HIP1: variants seen among roughly 807,000 people sequenced by gnomAD.
HIP1 encodes the protein huntingtin interacting protein 1, also known as huntingtin-interacting protein 1.
In HIP1, 65 loss-of-function variants were observed where a neutral mutation model predicts 147.6. The observed-to-expected ratio is 0.44, with a 90% CI of 0.36 to 0.54. The LOEUF (loss-of-function observed/expected upper bound fraction) is 0.54, where lower values mean the gene tolerates loss of function less well. Ranked by LOEUF, HIP1 falls within the 20% of genes least tolerant of loss-of-function variation. The probability of loss-of-function intolerance (pLI) is 0.00; values close to 1 mark genes in which losing one functional copy is unlikely to be tolerated. For synonymous variants in HIP1, 479 were observed against 504.0 expected (o/e 0.95, Z 0.67); for missense variants, 1,061 against 1,299.6 (o/e 0.82, Z 2.82).
At chr7:75,611,787 C>A in intron 1 of HIP1, 1 of 1,037,242 alleles carries the variant, frequency 9.6e-7, no homozygotes, top group South Asian at 4.6e-5. Flanking sequence ...GCATTGTCCA[C>A]CACTTCCTGA....
chr7:75,556,640 C>T lies in HIP1; in HGVS notation c.1683+70G>A, dbSNP rs587685723. On this transcript the variant is annotated intron_variant, in intron 17 of 30. Coordinates refer to ENST00000336926, the MANE Select transcript of HIP1 (RefSeq NM_005338.7). ...GGTGGAGGCTGCAGTGAGCTGCGAT[C>T]GCACCACTGCATTCCAACCTGAGTG... is the stretch of plus-strand genomic sequence containing the variant. 3.8e-5 allele frequency: 38 copies of T among 987,604 alleles called. 2 individuals are homozygous for T. Among genetic ancestry groups the T allele is most frequent in the South Asian group, 3.7e-4 (28 of 76,586 alleles). 61.2% of individuals were successfully genotyped at this position (987,604 alleles called of 1,614,324 possible).
intron 27 of HIP1, among the ~76,000 whole-genome samples, chr7:75,544,392 ATCTAACCTAGCCAAGTACTC>A (rs71098035): frequency 0.56 from 85,234 of 150,894 alleles, 24,277 homozygotes; most frequent in African/African-American, 0.64. Flanking sequence ...ACCAAGTACC[ATCTAACCTAGCCAAGTACTC>A]TCTAACCTAG....
chr7:75,682,352 G>T (rs1244600395), intron 1 of HIP1, among the ~76,000 whole-genome samples: 2 of 151,746 alleles, frequency 1.3e-5, no homozygotes, highest in African/African-American at 4.8e-5. Flanking sequence ...GAACTCCTGG[G>T]CTCAAGCGAT....
At chr7:75,680,695 C>T (rs1016306689) in intron 1 of HIP1, among the ~76,000 whole-genome samples, 8 of 151,856 alleles carry the variant, frequency 5.3e-5, no homozygotes, top group African/African-American at 9.7e-5. Flanking sequence ...CTGCAACCTC[C>T]GCCTCCCGGG....
At chr7:75,581,709 G>A (rs1796056048) in intron 6 of HIP1, among the ~76,000 whole-genome samples, 1 of 152,170 alleles carries the variant, frequency 6.6e-6, no homozygotes, top group Non-Finnish European at 1.5e-5. Flanking sequence ...AACCTGGGAG[G>A]TGGAGGCTGC....
intron 1 of HIP1, among the ~76,000 whole-genome samples, chr7:75,639,509 C>T (rs767310820): frequency 6.6e-6 from 1 of 150,986 alleles, no homozygotes; most frequent in Non-Finnish European, 1.5e-5. Context: ...CCAGAGTTCC[C>T]GGTGGCGGGG....
At chr7:75,704,700 A>C (rs1800938189) in intron 1 of HIP1, among the ~76,000 whole-genome samples, 1 of 152,086 alleles carries the variant, frequency 6.6e-6, no homozygotes, top group African/African-American at 2.4e-5. Flanking sequence ...CTCCCGTCTC[A>C]GTAGCTGGAA....
rs1794154388 is a variant in HIP1 at position 75,538,090 on chromosome 7, G to C, written c.*82C>G. ...GTGTGGCTGCCCCTGGGACTCCAAG[G>C]ATTTGGCCTGTGGCTGGGGAAATAA... On this transcript the variant is annotated 3_prime_UTR_variant, in exon 31 of 31. Coordinates refer to ENST00000336926, the MANE Select transcript of HIP1 (RefSeq NM_005338.7). The C allele has an allele frequency of 8.5e-7, 1 of 1,171,598 alleles. No homozygotes were observed. The highest frequency in any genetic ancestry group is 2.3e-5 in the East Asian group (1 of 42,850). 72.6% of individuals were successfully genotyped at this position (1,171,598 alleles called of 1,614,324 possible).
At chr7:75,609,378 A>T (rs1254217866) in intron 1 of HIP1, among the ~76,000 whole-genome samples, 2 of 152,086 alleles carry the variant, frequency 1.3e-5, no homozygotes, top group Non-Finnish European at 2.9e-5. Flanking sequence ...GGAATGTCAG[A>T]TACTGAGGGG....
intron 22 of HIP1, among the ~76,000 whole-genome samples, chr7:75,549,658 C>A (rs1307098812): frequency 2.0e-5 from 3 of 151,468 alleles, no homozygotes; most frequent in African/African-American, 7.3e-5. Flanking sequence ...GTGTAAGCCA[C>A]CACACCTGGC....
intron 1 of HIP1, among the ~76,000 whole-genome samples, chr7:75,680,722 G>T (rs1554516747): frequency 6.6e-6 from 1 of 151,978 alleles, no homozygotes; most frequent in African/African-American, 2.4e-5. Context: ...CGATTCTCCT[G>T]CCTCAGCCTC....
chr7:75,710,317 A>G (rs1801134165), intron 1 of HIP1, among the ~76,000 whole-genome samples: 2 of 152,174 alleles, frequency 1.3e-5, no homozygotes, highest in Admixed American at 6.6e-5. Context: ...TACATTGACC[A>G]GTTTTCATAA....
At chr7:75,675,663 C>A (rs1421217723) in intron 1 of HIP1, among the ~76,000 whole-genome samples, 3 of 151,204 alleles carry the variant, frequency 2.0e-5, no homozygotes, top group African/African-American at 7.3e-5. Flanking sequence ...TTCTTTAGTT[C>A]TTTGAATATA....
At chr7:75,597,600 G>A (rs1052572004) in intron 2 of HIP1, among the ~76,000 whole-genome samples, 1 of 151,862 alleles carries the variant, frequency 6.6e-6, no homozygotes, top group Non-Finnish European at 1.5e-5. Flanking sequence ...ATTAGCTAGG[G>A]GTAGTGATAC....
chr7:75,655,333 C>G (rs1024547927), intron 1 of HIP1, among the ~76,000 whole-genome samples: 4 of 152,098 alleles, frequency 2.6e-5, no homozygotes, highest in African/African-American at 9.7e-5. Flanking sequence ...AATCCCAGCA[C>G]TTTGGGAGCC....
intron 8 of HIP1, among the ~76,000 whole-genome samples, chr7:75,569,675 C>A (rs1221285540): frequency 6.6e-6 from 1 of 152,056 alleles, no homozygotes; most frequent in African/African-American, 2.4e-5. Flanking sequence ...TGGCACTTGA[C>A]CTAAATGATC....
At chr7:75,640,070 C>G (rs1225147817) in intron 1 of HIP1, among the ~76,000 whole-genome samples, 1 of 152,228 alleles carries the variant, frequency 6.6e-6, no homozygotes, top group Non-Finnish European at 1.5e-5. Context: ...GCAAGGCAGA[C>G]ATTCCCCTCT....
chr7:75,612,136 G>C (rs1028664004), intron 1 of HIP1, among the ~76,000 whole-genome samples: 1 of 152,234 alleles, frequency 6.6e-6, no homozygotes, highest in Non-Finnish European at 1.5e-5. Context: ...CCCGGGTGGG[G>C]GTGGCAGGTC....
chr7:75,548,834 T>C (rs1554491523), intron 23 of HIP1, 57 bp downstream of exon 23: 1 of 1,245,504 alleles, frequency 8.0e-7, no homozygotes, highest in African/African-American at 1.5e-5. Flanking sequence ...ATGAGCAGTG[T>C]TGCAGAAGGG....
Sources: allele counts gnomAD v4.1 joint callset (sites outside exome capture counted in the v4.1 genomes callset), GRCh38; gene constraint gnomAD v4.1.1; transcripts MANE v1.5; gene names NCBI Gene and HGNC (gene_info 2026-07-23, HGNC 2026-07-21).